Variants in BICD1 observed in about 807,000 individuals in gnomAD.
The protein encoded by BICD1 is BICD cargo adaptor 1.
A neutral mutation model predicts 92.5 loss-of-function variants in BICD1; 35 were observed. That is an observed-to-expected ratio of 0.38 (90% CI 0.29 to 0.50). The LOEUF is 0.50. Among genes scored for constraint, BICD1 ranks in the 20% least tolerant of loss-of-function variants. The pLI is 0.93. For synonymous variants in BICD1, 429 were observed against 465.1 expected (o/e 0.92, Z 1.00); for missense variants, 950 against 1,189.8 (o/e 0.80, Z 2.97).
chr12:32,110,996 AAAAG>A (rs1273367692), intron 1 of BICD1, among the ~76,000 whole-genome samples: 1 of 152,188 alleles, frequency 6.6e-6, no homozygotes, highest in Admixed American at 6.5e-5. Context: ...ATAATAAAAA[AAAAG>A]AGTTTTTTTT....
intron 1 of BICD1, among the ~76,000 whole-genome samples, chr12:32,207,085 A>G (rs1392569142): frequency 6.6e-6 from 1 of 152,242 alleles, no homozygotes; most frequent in Non-Finnish European, 1.5e-5. Flanking sequence ...AGGTACAATG[A>G]GAGAGATAGG....
At chr12:32,201,219 A>G (rs144669290) in intron 1 of BICD1, among the ~76,000 whole-genome samples, 1 of 152,276 alleles carries the variant, frequency 6.6e-6, no homozygotes, top group African/African-American at 2.4e-5. Flanking sequence ...AGCTAGAATA[A>G]TTTCCTCTGA....
intron 1 of BICD1, among the ~76,000 whole-genome samples, chr12:32,205,469 A>G (rs1022601211): frequency 5.3e-5 from 8 of 152,014 alleles, no homozygotes; most frequent in African/African-American, 1.9e-4. Flanking sequence ...CTGGTTTGCA[A>G]ATTATTTCCT....
chr12:32,367,589 G>A, intron 8 of BICD1, 81 bp from the exon 9 acceptor site: 1 of 1,304,302 alleles, frequency 7.7e-7, no homozygotes, highest in Non-Finnish European at 1.1e-6. Flanking sequence ...AAATCTCTCA[G>A]GCAGCTGCTT....
intron 1 of BICD1, among the ~76,000 whole-genome samples, chr12:32,192,066 C>T (rs550806716): frequency 1.3e-5 from 2 of 152,242 alleles, no homozygotes; most frequent in Admixed American, 1.3e-4. Context: ...CCTATTGTGT[C>T]AAACAGTCAA....
chr12:32,305,688 C>T lies in BICD1; in HGVS notation c.580-9C>T. 1 of 1,595,530 alleles carries T rather than the reference C, an allele frequency of 6.3e-7. No homozygotes were observed. Among genetic ancestry groups the T allele is most frequent in the Non-Finnish European group, 8.5e-7 (1 of 1,172,136 alleles). On this transcript the variant is annotated splice_polypyrimidine_tract_variant and intron_variant, in intron 3 of 9. Coordinates refer to ENST00000652176, the MANE Select transcript of BICD1 (RefSeq NM_001714.4). Reference sequence around the variant, plus strand: ...GTTTTATGAATCTTCTTTATCCTGTCTGATTCAGGTTGAATACGAAGGCTT... The same window carrying T: ...GTTTTATGAATCTTCTTTATCCTGTTTGATTCAGGTTGAATACGAAGGCTT...
chr12:32,274,183 G>A (rs1947218718), intron 2 of BICD1, among the ~76,000 whole-genome samples: 1 of 152,132 alleles, frequency 6.6e-6, no homozygotes. Flanking sequence ...TTAACATATA[G>A]TTACTTAAAA....
chr12:32,146,706 A>G (rs1943113460), intron 1 of BICD1, among the ~76,000 whole-genome samples: 1 of 152,178 alleles, frequency 6.6e-6, no homozygotes. Context: ...AAGTGTGGCC[A>G]GAGAGCAGTG....
chr12:32,269,182 G>T (rs1947074955), intron 2 of BICD1, among the ~76,000 whole-genome samples: 1 of 151,976 alleles, frequency 6.6e-6, no homozygotes, highest in African/African-American at 2.4e-5. Flanking sequence ...AATGTCATCA[G>T]ATTTAAATAG....
intron 2 of BICD1, among the ~76,000 whole-genome samples, chr12:32,280,422 C>T (rs1341991127): frequency 6.6e-6 from 1 of 152,070 alleles, no homozygotes; most frequent in Admixed American, 6.5e-5. Flanking sequence ...GGATTATAGG[C>T]AGTAAATTGT....
In BICD1 at chr12:32,123,261, A is replaced by G. The variant is rs562488439; in HGVS notation, c.213+15717A>G. Among the ~76,000 whole-genome samples the G allele has an allele frequency of 4.6e-5, 7 of 152,286 alleles. No individual in the cohort carries two copies. The South Asian group carries it at 1.5e-3, about 32-fold the overall frequency. On this transcript the variant is annotated intron_variant, in intron 1 of 9. Transcript: ENST00000652176. ...GGGACTGAGTTAGGGGGTGAATAGT[A>G]GGTGAGACCAGAGGGGGCCACATGA...
chr12:32,125,301 A>G (rs541142029), intron 1 of BICD1, among the ~76,000 whole-genome samples: 1 of 152,228 alleles, frequency 6.6e-6, no homozygotes, highest in South Asian at 2.1e-4. Flanking sequence ...CTCTTTCCAT[A>G]CTAGACTTGA....
At chr12:32,109,940 AGG>A (rs1428990994) in intron 1 of BICD1, among the ~76,000 whole-genome samples, 84 of 152,304 alleles carry the variant, frequency 5.5e-4, no homozygotes, top group African/African-American at 2.0e-3. Flanking sequence ...TTTGCTCATC[AGG>A]TATGTATAGT....
chr12:32,379,478 G>A lies in BICD1; in HGVS notation c.*1851G>A, dbSNP rs1390564806. On this transcript the variant is annotated 3_prime_UTR_variant, in exon 10 of 10. Coordinates refer to ENST00000652176, the MANE Select transcript of BICD1 (RefSeq NM_001714.4). ...TACAGAAACAGAAACAAAACGATTC[G>A]ACATGAAGTTCCCAACCATAGCAGC... 1 of 152,152 alleles carries A rather than the reference G, an allele frequency of 6.6e-6. No individual in the cohort carries two copies. Among genetic ancestry groups the A allele is most frequent in the South Asian group, 2.1e-4 (1 of 4,822 alleles). The allele number at this position is 152,152 out of a possible 1,614,324, so 9.4% of individuals were successfully genotyped here. A position where few individuals can be genotyped will look rare whatever the true frequency, so the allele number is the denominator to read the frequency against.
chr12:32,317,753 T>A (rs1426384866), intron 4 of BICD1, among the ~76,000 whole-genome samples: 3 of 151,930 alleles, frequency 2.0e-5, no homozygotes, highest in African/African-American at 7.3e-5. Flanking sequence ...TTGTTGCCAT[T>A]GCTTTTGGTG....
intron 6 of BICD1, among the ~76,000 whole-genome samples, chr12:32,335,788 T>C (rs1213587622): frequency 6.6e-6 from 1 of 151,830 alleles, no homozygotes; most frequent in Non-Finnish European, 1.5e-5. Flanking sequence ...TCTCGCCATG[T>C]TGCCCAGGCT....
intron 2 of BICD1, among the ~76,000 whole-genome samples, chr12:32,259,327 C>T (rs1250836879): frequency 6.6e-6 from 1 of 152,204 alleles, no homozygotes; most frequent in East Asian, 1.9e-4. Flanking sequence ...CTTGCCTTGG[C>T]ACCTGGGTAA....
chr12:32,171,964 C>T lies in BICD1; in HGVS notation c.214-44283C>T, dbSNP rs1943955626. Among the ~76,000 whole-genome samples, 4 of 148,818 alleles carry T rather than the reference C, an allele frequency of 2.7e-5. No individual in the cohort carries two copies. In the Admixed American group the frequency reaches 2.7e-4, roughly 10 times the overall value. On this transcript the variant is annotated intron_variant, in intron 1 of 9. Transcript: ENST00000652176. ...ATACACACACACACACACACACACA[C>T]ACACACACACACACACACACACACA...
At chr12:32,112,720 C>A (rs545549260) in intron 1 of BICD1, among the ~76,000 whole-genome samples, 1 of 152,106 alleles carries the variant, frequency 6.6e-6, no homozygotes, top group South Asian at 2.1e-4. Flanking sequence ...GTGAAAGGGC[C>A]ATGGCCACAT....
Sources: gnomAD v4.1 joint callset for allele counts (sites outside exome capture counted in the v4.1 genomes callset) on GRCh38, gnomAD v4.1.1 for gene constraint, MANE v1.5 for transcripts, NCBI Gene and HGNC (gene_info 2026-07-23, HGNC 2026-07-21) for gene names.